NXPE4: variants seen among roughly 807,000 people sequenced by gnomAD.
NXPE4 encodes neurexophilin and PC-esterase domain family member 4, also known as NXPE family member 4.
A neutral mutation model predicts 33.3 loss-of-function variants in NXPE4; 42 were observed. The ratio of observed to expected loss-of-function variants is 1.26; its 90% CI spans 0.98 to 1.63. The LOEUF is 1.63. Ranked by LOEUF, NXPE4 falls within the 40% of genes most tolerant of loss-of-function variation. The probability of loss-of-function intolerance (pLI) is 0.00; values close to 1 mark genes in which losing one functional copy is unlikely to be tolerated. For synonymous variants in NXPE4, 253 were observed against 234.9 expected (o/e 1.08, Z -0.71); for missense variants, 709 against 647.6 (o/e 1.09, Z -1.03).
the NXPE4 span, among the ~76,000 whole-genome samples, chr11:114,616,616 CCA>C: frequency 7.1e-6 from 1 of 139,956 alleles, no homozygotes; most frequent in East Asian, 1.9e-4. Context: ...TCATGGGTAA[CCA>C]CAGTTACCCA....
chr11:114,580,733 A>G (rs534861702), intron 4 of NXPE4, among the ~76,000 whole-genome samples: 25 of 152,224 alleles, frequency 1.6e-4, no homozygotes, highest in Non-Finnish European at 3.4e-4. Context: ...CTTAAATGAC[A>G]CCATCAAAAT....
intron 5 of NXPE4, among the ~76,000 whole-genome samples, chr11:114,574,117 G>A (rs973046964): frequency 6.6e-6 from 1 of 151,974 alleles, no homozygotes; most frequent in African/African-American, 2.4e-5. Context: ...TGATCATTGA[G>A]TCAACAATAA....
chr11:114,643,093 A>C, the NXPE4 span, among the ~76,000 whole-genome samples: 4 of 152,054 alleles, frequency 2.6e-5, no homozygotes, highest in African/African-American at 9.6e-5. Flanking sequence ...CTTTGCCCAC[A>C]TTTTGATGGG....
the NXPE4 span, among the ~76,000 whole-genome samples, chr11:114,619,086 G>T: frequency 0.084 from 12,831 of 152,022 alleles, 652 homozygotes; most frequent in Middle Eastern, 0.2. Flanking sequence ...ATTGCATCAT[G>T]GGTAACCACT....
At chr11:114,631,164 C>G in the NXPE4 span, among the ~76,000 whole-genome samples, 2 of 151,992 alleles carry the variant, frequency 1.3e-5, no homozygotes, top group Admixed American at 1.3e-4. Flanking sequence ...CCAGCCATCC[C>G]ATTACTGGGT....
the NXPE4 span, among the ~76,000 whole-genome samples, chr11:114,670,847 T>C: frequency 0.88 from 133,639 of 151,516 alleles, 59,290 homozygotes; most frequent in Non-Finnish European, 0.92. Context: ...AGAGAATGAC[T>C]CACGAACAGG....
the NXPE4 span, among the ~76,000 whole-genome samples, chr11:114,612,289 G>C: frequency 4.0e-5 from 6 of 151,852 alleles, no homozygotes; most frequent in African/African-American, 1.5e-4. Flanking sequence ...TTACCCGTTG[G>C]ATAATAAGTA....
the NXPE4 span, among the ~76,000 whole-genome samples, chr11:114,601,064 C>A: frequency 1.3e-5 from 2 of 151,844 alleles, no homozygotes; most frequent in African/African-American, 2.4e-5. Context: ...CTATCAATGT[C>A]ACACTGTTGT....
chr11:114,662,365 G>A, the NXPE4 span, among the ~76,000 whole-genome samples: 1 of 152,106 alleles, frequency 6.6e-6, no homozygotes, highest in Non-Finnish European at 1.5e-5. Flanking sequence ...AGCCAGAGGG[G>A]AATTACCCAT....
chr11:114,614,510 A>T, the NXPE4 span, among the ~76,000 whole-genome samples: 1 of 150,590 alleles, frequency 6.6e-6, no homozygotes, highest in African/African-American at 2.4e-5. Context: ...GTGGATAATA[A>T]ATGTTGCCTC....
At chr11:114,583,725 G>A (rs976626596) in intron 2 of NXPE4, 1 of 539,800 alleles carries the variant, frequency 1.9e-6, no homozygotes, top group South Asian at 1.5e-5. Context: ...GATACAATCT[G>A]GGCCACCTTG....
At chr11:114,601,774 A>G in the NXPE4 span, among the ~76,000 whole-genome samples, 3 of 72,654 alleles carry the variant, frequency 4.1e-5, no homozygotes, top group Non-Finnish European at 2.3e-5. Flanking sequence ...ATTATATATT[A>G]TAATTATATA....
the NXPE4 span, among the ~76,000 whole-genome samples, chr11:114,640,569 A>T: frequency 1.3e-5 from 2 of 151,772 alleles, 1 homozygote; most frequent in Non-Finnish European, 2.9e-5. Flanking sequence ...TTACACTCCC[A>T]CCCACAATGC....
the NXPE4 span, among the ~76,000 whole-genome samples, chr11:114,665,176 A>G: frequency 6.6e-6 from 1 of 152,164 alleles, no homozygotes; most frequent in African/African-American, 2.4e-5. Context: ...TGATAATGCC[A>G]TTATCTTAGC....
chr11:114,618,928 T>G, the NXPE4 span, among the ~76,000 whole-genome samples: 1 of 152,074 alleles, frequency 6.6e-6, no homozygotes, highest in African/African-American at 2.4e-5. Flanking sequence ...GGGTAATCAC[T>G]GCTACCCACT....
the NXPE4 span, among the ~76,000 whole-genome samples, chr11:114,676,306 G>A: frequency 7.2e-5 from 11 of 151,908 alleles, no homozygotes; most frequent in South Asian, 2.1e-3. Flanking sequence ...ACAATTAACA[G>A]AATGAAGAGA....
chr11:114,655,710 C>A, the NXPE4 span, among the ~76,000 whole-genome samples: 1 of 152,174 alleles, frequency 6.6e-6, no homozygotes, highest in South Asian at 2.1e-4. Flanking sequence ...CAGTACCATG[C>A]TGTTTTGGTT....
chr11:114,658,258 G>A, the NXPE4 span, among the ~76,000 whole-genome samples: 79 of 152,332 alleles, frequency 5.2e-4, 1 homozygote, highest in East Asian at 0.015. Flanking sequence ...GGGAGCAGGG[G>A]AAGAGGATGA....
Position 114,571,286 on chromosome 11 carries a change from A to T in NXPE4, c.1287T>A (p.Thr429=). The change falls in exon 6 of 6, where the codon ACT becomes ACA. Residue 429 remains threonine (T), a synonymous_variant. Coordinates refer to ENST00000375478, the MANE Select transcript of NXPE4 (RefSeq NM_001077639.2). ...GCTGGCCCAGGGAAATAACAATGAC[A>T]GTATTTTTTTCTCCTCCAGTTCTGT... ...AIDRTGGEKN[T]VIVISLGQHF... 6.2e-7 allele frequency: 1 copy of T among 1,614,030 alleles called. No individual in the cohort carries two copies. Among genetic ancestry groups the T allele is most frequent in the Non-Finnish European group, 8.5e-7 (1 of 1,179,938 alleles).
Sources: gnomAD v4.1 joint callset for allele counts (sites outside exome capture counted in the v4.1 genomes callset) on GRCh38, gnomAD v4.1.1 for gene constraint, MANE v1.5 for transcripts, NCBI Gene and HGNC (gene_info 2026-07-23, HGNC 2026-07-21) for gene names.